The following MAGI2 variants were observed in gnomAD, a reference collection of about 807,000 sequenced individuals.
MAGI2 encodes the protein membrane associated guanylate kinase, WW and PDZ domain containing 2.
MAGI2 carries 35 observed loss-of-function variants against 133.3 expected under a neutral mutation model. The ratio of observed to expected loss-of-function variants is 0.26; its 90% CI spans 0.20 to 0.35. MAGI2 has a LOEUF of 0.35. Ranked by LOEUF, MAGI2 falls within the 10% of genes least tolerant of loss-of-function variation. MAGI2 has a pLI of 1.00. For synonymous variants in MAGI2, 729 were observed against 710.6 expected, an observed-to-expected ratio of 1.03 and a Z score of -0.41; for missense variants, 1,636 against 1,863.4, an observed-to-expected ratio of 0.88 and a Z score of 2.25.
At chr7:78,567,683 A>G (rs555496965) in intron 3 of MAGI2, among the ~76,000 whole-genome samples, 1 of 152,274 alleles carries the variant, frequency 6.6e-6, no homozygotes, top group Admixed American at 6.5e-5. Flanking sequence ...TTTCCCCTGC[A>G]TCGCCAGTTT....
chr7:78,605,195 G>A (rs1357913244), intron 3 of MAGI2, among the ~76,000 whole-genome samples: 1 of 152,202 alleles, frequency 6.6e-6, no homozygotes, highest in Non-Finnish European at 1.5e-5. Context: ...GTGCATTTTA[G>A]ACTAGGTTGA....
chr7:78,304,197 G>A (rs1053184617), intron 9 of MAGI2, among the ~76,000 whole-genome samples: 2 of 152,082 alleles, frequency 1.3e-5, no homozygotes, highest in African/African-American at 4.8e-5. Context: ...TTCTGTTTCT[G>A]TTCTCCTGCA....
At chr7:78,754,409 A>ATAAC (rs1188062215) in intron 2 of MAGI2, among the ~76,000 whole-genome samples, 31 of 151,792 alleles carry the variant, frequency 2.0e-4, no homozygotes, top group African/African-American at 7.0e-4. Flanking sequence ...AAATAAATAA[A>ATAAC]TGCTGAAAGT....
chr7:79,277,665 T>A (rs1835333117), intron 1 of MAGI2, among the ~76,000 whole-genome samples: 1 of 152,160 alleles, frequency 6.6e-6, no homozygotes, highest in Non-Finnish European at 1.5e-5. Context: ...AAGAATGCAT[T>A]AACAGGCCCC....
chr7:78,766,408 C>T (rs1825032295), intron 2 of MAGI2, among the ~76,000 whole-genome samples: 1 of 152,086 alleles, frequency 6.6e-6, no homozygotes, highest in Non-Finnish European at 1.5e-5. Flanking sequence ...CCCCAGATGG[C>T]AAAAAGGTGA....
intron 1 of MAGI2, among the ~76,000 whole-genome samples, chr7:79,163,829 T>C (rs752121266): frequency 2.6e-5 from 4 of 152,046 alleles, no homozygotes; most frequent in Non-Finnish European, 4.4e-5. Context: ...TTATATCTCT[T>C]GTAAGTGTTA....
intron 3 of MAGI2, among the ~76,000 whole-genome samples, chr7:78,557,975 CTTTTT>C (rs5885075): frequency 1.3e-5 from 2 of 150,546 alleles, no homozygotes; most frequent in South Asian, 4.2e-4. Context: ...TATTGGAACT[CTTTTT>C]TTTTTTTAAA....
intron 1 of MAGI2, among the ~76,000 whole-genome samples, chr7:79,300,385 C>G (rs1837301817): frequency 6.6e-6 from 1 of 152,106 alleles, no homozygotes; most frequent in Admixed American, 6.5e-5. Context: ...GATGCCTTAG[C>G]AAAGAGCTTG....
At chr7:78,675,484 A>C (rs1387500973) in intron 2 of MAGI2, among the ~76,000 whole-genome samples, 4 of 152,088 alleles carry the variant, frequency 2.6e-5, no homozygotes, top group Non-Finnish European at 4.4e-5. Context: ...AGCATCAAGG[A>C]AGGAGGGAGA....
At position 79,453,452 on chromosome 7, in the gene MAGI2, C is replaced by T. The variant is rs1849440219; in HGVS notation, c.-132G>A. 4.7e-6 allele frequency: 7 copies of T among 1,480,432 alleles called. No individual in the cohort carries two copies. Among genetic ancestry groups the T allele is most frequent in the Non-Finnish European group, 6.2e-6 (7 of 1,123,308 alleles). The allele number at this position is 1,480,432 out of a possible 1,614,324, so 91.7% of individuals were successfully genotyped here. ...GACTTTGCCTTCGCCCCCCTCTATT[C>T]GGTGCTTTCCCTCTTCTTTGGATGG... On this transcript the variant is annotated 5_prime_UTR_variant, in exon 1 of 22. Coordinates refer to ENST00000354212, the MANE Select transcript of MAGI2 (RefSeq NM_012301.4).
chr7:78,651,558 C>T (rs1393813425), intron 2 of MAGI2, among the ~76,000 whole-genome samples: 1 of 151,940 alleles, frequency 6.6e-6, no homozygotes, highest in African/African-American at 2.4e-5. Context: ...GAAACCCTCC[C>T]AGAAAATAAC....
rs559575726 is a variant in MAGI2, at chr7:78,795,666, G to A, written c.419-168427C>T. Among the ~76,000 whole-genome samples the A allele has an allele frequency of 9.8e-4, 149 of 151,958 alleles. 5 individuals carry two copies. In the South Asian group the frequency reaches 0.029, roughly 30 times the overall value. On this transcript the variant is annotated intron_variant, in intron 2 of 21. Transcript: ENST00000354212. Reference sequence around the variant, plus strand: ...ATAAAAAAAATCCTAAAATTCGTACGGAATCACAAAAGGCTCCAAATAGGC... The same window carrying A: ...ATAAAAAAAATCCTAAAATTCGTACAGAATCACAAAAGGCTCCAAATAGGC...
At chr7:78,050,681 C>A (rs900823595) in intron 21 of MAGI2, among the ~76,000 whole-genome samples, 3 of 151,986 alleles carry the variant, frequency 2.0e-5, no homozygotes, top group Admixed American at 6.6e-5. Flanking sequence ...TTCTGAGCTA[C>A]AAGGTGGTGA....
At chr7:78,584,566 T>G (rs1439840984) in intron 3 of MAGI2, among the ~76,000 whole-genome samples, 1 of 152,010 alleles carries the variant, frequency 6.6e-6, no homozygotes. Flanking sequence ...ATCAGCACAG[T>G]GCAGAGCACA....
In MAGI2 at chr7:78,164,466, T is replaced by G. The variant is rs558506070; in HGVS notation, c.2596+3450A>C. On this transcript the variant is annotated intron_variant, in intron 15 of 21. Transcript: ENST00000354212. The stretch of plus-strand genomic sequence containing the variant: ...GCCCTGAAAATGTTAGGGGCTGGCC[T>G]GCCTATAGGCATTTGTGCAGACATT... Among the ~76,000 whole-genome samples, 31 of 152,350 alleles carry G rather than the reference T, an allele frequency of 2.0e-4. No homozygotes were observed. In the East Asian group the frequency reaches 6.0e-3, roughly 29 times the overall value.
At chr7:78,233,463 T>C (rs117219014) in intron 10 of MAGI2, among the ~76,000 whole-genome samples, 1,527 of 152,062 alleles carry the variant, frequency 0.01, 14 homozygotes, top group Non-Finnish European at 0.016. Flanking sequence ...AGCAGTAGGA[T>C]GAGAGGTGCA....
chr7:78,400,234 C>G (rs1239914687), intron 6 of MAGI2, among the ~76,000 whole-genome samples: 1 of 152,118 alleles, frequency 6.6e-6, no homozygotes, highest in Admixed American at 6.6e-5. Flanking sequence ...TTAATAAGGG[C>G]AATTAGAAAC....
intron 10 of MAGI2, among the ~76,000 whole-genome samples, chr7:78,211,434 T>C (rs879944572): frequency 6.6e-6 from 1 of 152,188 alleles, no homozygotes; most frequent in African/African-American, 2.4e-5. Context: ...TAGTCCCAGC[T>C]CCACCTCTCA....
chr7:79,213,327 C>CACACGT (rs1829677749), intron 1 of MAGI2, among the ~76,000 whole-genome samples: 1 of 129,554 alleles, frequency 7.7e-6, no homozygotes, highest in Admixed American at 7.3e-5. Context: ...TACACACGTA[C>CACACGT]ACACACACAC....
Sources: gnomAD v4.1 joint callset for allele counts (sites outside exome capture counted in the v4.1 genomes callset) on GRCh38, gnomAD v4.1.1 for gene constraint, MANE v1.5 for transcripts, NCBI Gene and HGNC (gene_info 2026-07-23, HGNC 2026-07-21) for gene names.